IMMP2L: variants seen among roughly 807,000 people sequenced by gnomAD.
IMMP2L encodes inner mitochondrial membrane peptidase subunit 2.
Under a neutral mutation model 19.3 loss-of-function variants are expected in IMMP2L, and 18 were observed. That is an observed-to-expected ratio of 0.93 (90% CI 0.64 to 1.38). IMMP2L has a LOEUF of 1.38. IMMP2L is among the 40% of genes most tolerant of loss of function. The pLI is 0.00. For missense variants in IMMP2L, 233 were observed against 218.2 expected, an observed-to-expected ratio of 1.07 and a Z score of -0.43; for synonymous variants, 76 against 73.0, an observed-to-expected ratio of 1.04 and a Z score of -0.21.
chr7:111,185,137 G>C lies in IMMP2L; in HGVS notation c.240-221572C>G, dbSNP rs139978202. 1.8e-3 allele frequency among the ~76,000 whole-genome samples: 268 copies of C among 152,258 alleles called. 2 individuals are homozygous for C. Among genetic ancestry groups the C allele is most frequent in the African/African-American group, 6.1e-3 (255 of 41,536 alleles). ...GGAGAAGCTTTGATAAATCTCTAAAGCTATGGCAGTGGTCCAGTCCCTATG... is the reference window on the plus strand; with the variant it reads ...GGAGAAGCTTTGATAAATCTCTAAACCTATGGCAGTGGTCCAGTCCCTATG... On this transcript the variant is annotated intron_variant, in intron 3 of 5. Transcript: ENST00000405709.
At chr7:111,542,327 G>C (rs1016660677) in intron 1 of IMMP2L, among the ~76,000 whole-genome samples, 16 of 152,074 alleles carry the variant, frequency 1.1e-4, no homozygotes, top group Non-Finnish European at 1.5e-5. Context: ...TATACACTTT[G>C]TGTTGATTAA....
intron 3 of IMMP2L, among the ~76,000 whole-genome samples, chr7:111,400,699 T>C (rs1833344050): frequency 6.6e-6 from 1 of 152,096 alleles, no homozygotes; most frequent in African/African-American, 2.4e-5. Context: ...ATATCGGTGA[T>C]GTGAAATGCT....
rs763516323 is a variant in IMMP2L at position 111,487,294 on chromosome 7, C to CA, written c.182dup (p.Leu61PhefsTer10). On this transcript the variant is annotated frameshift_variant, in exon 3 of 6. Coordinates refer to ENST00000405709, the MANE Select transcript of IMMP2L (RefSeq NM_032549.4). LOFTEE classifies it high-confidence loss of function. ...CAAAATTCCTCACTTTCCAGTGGTT[C>CA]AAAAGCACCACATCAGATGACTGGC... 1.9e-6 allele frequency: 3 copies of CA among 1,611,152 alleles called. No individual in the cohort carries two copies. The East Asian group carries it at 6.7e-5, about 36-fold the overall frequency.
At chr7:110,820,372 A>C (rs1298969087) in intron 5 of IMMP2L, among the ~76,000 whole-genome samples, 1 of 152,082 alleles carries the variant, frequency 6.6e-6, no homozygotes, top group African/African-American at 2.4e-5. Flanking sequence ...AAAACAAGAA[A>C]ATCTCTTCTT....
At chr7:110,719,105 A>C (rs1026762479) in intron 5 of IMMP2L, among the ~76,000 whole-genome samples, 7 of 152,234 alleles carry the variant, frequency 4.6e-5, no homozygotes, top group African/African-American at 1.7e-4. Context: ...GTGATTAATG[A>C]TGTAGCTCAG....
chr7:111,039,670 C>T (rs1460718017), intron 3 of IMMP2L, among the ~76,000 whole-genome samples: 1 of 152,090 alleles, frequency 6.6e-6, no homozygotes, highest in Non-Finnish European at 1.5e-5. Context: ...ACCATCACAA[C>T]AAAAACCGTC....
At chr7:111,557,911 GA>G (rs199723823) in intron 1 of IMMP2L, among the ~76,000 whole-genome samples, 3 of 149,218 alleles carry the variant, frequency 2.0e-5, no homozygotes, top group South Asian at 2.1e-4. Context: ...TTTGAGTATA[GA>G]AAAAAAAACA....
At chr7:110,989,233 C>CA (rs1031892512) in intron 3 of IMMP2L, among the ~76,000 whole-genome samples, 26 of 146,696 alleles carry the variant, frequency 1.8e-4, no homozygotes, top group African/African-American at 2.8e-4. Flanking sequence ...GAAACTGTCT[C>CA]AAAAAAAAAG....
chr7:110,889,139 A>G (rs1810526206), intron 4 of IMMP2L, among the ~76,000 whole-genome samples: 1 of 152,200 alleles, frequency 6.6e-6, no homozygotes, highest in Non-Finnish European at 1.5e-5. Flanking sequence ...AGCAGTCCCC[A>G]GCCTTTTAGG....
intron 5 of IMMP2L, chr7:110,665,142 G>A (rs1448850122): frequency 6.6e-6 from 1 of 152,098 alleles, no homozygotes; most frequent in East Asian, 1.9e-4. Context: ...TCAATAAAGG[G>A]TTCTTTTTTT....
chr7:110,788,298 T>C (rs1475418740), intron 5 of IMMP2L, among the ~76,000 whole-genome samples: 1 of 152,070 alleles, frequency 6.6e-6, no homozygotes, highest in Non-Finnish European at 1.5e-5. Flanking sequence ...CTAAGGGTCA[T>C]CAATGACCTT....
At chr7:111,034,302 C>T (rs997308575) in intron 3 of IMMP2L, among the ~76,000 whole-genome samples, 1 of 151,934 alleles carries the variant, frequency 6.6e-6, no homozygotes, top group African/African-American at 2.4e-5. Context: ...TAAAAAAAGA[C>T]AGACATGTAC....
chr7:111,465,554 G>A (rs1253106934), intron 3 of IMMP2L, among the ~76,000 whole-genome samples: 1 of 144,502 alleles, frequency 6.9e-6, no homozygotes, highest in Non-Finnish European at 1.5e-5. Flanking sequence ...CATTTATGCA[G>A]CCAAAAGACA....
At chr7:110,780,203 C>T (rs951282197) in intron 5 of IMMP2L, among the ~76,000 whole-genome samples, 1 of 151,152 alleles carries the variant, frequency 6.6e-6, no homozygotes, top group African/African-American at 2.4e-5. Context: ...GCTTCAAAAA[C>T]AAGGTTGATC....
Position 110,816,281 on chromosome 7 carries a change from T to C in IMMP2L, c.408+70312A>G, listed in dbSNP as rs570591133. Among the ~76,000 whole-genome samples the C allele has an allele frequency of 2.2e-3, 339 of 152,154 alleles. 2 individuals carry two copies. The highest frequency in any genetic ancestry group is 7.7e-3 in the African/African-American group (319 of 41,522). On this transcript the variant is annotated intron_variant, in intron 5 of 5. Coordinates refer to ENST00000405709, the MANE Select transcript of IMMP2L (RefSeq NM_032549.4). ...TTCCATGTAGTTGAGCGGCTTTGAGTGAGATTCTTAATCCTGAGTTCTAGT... is the reference window on the plus strand; with the variant it reads ...TTCCATGTAGTTGAGCGGCTTTGAGCGAGATTCTTAATCCTGAGTTCTAGT...
chr7:111,415,808 T>A (rs1834908859), intron 3 of IMMP2L, among the ~76,000 whole-genome samples: 2 of 151,620 alleles, frequency 1.3e-5, no homozygotes, highest in African/African-American at 2.4e-5. Context: ...CAACTTAAAA[T>A]TCTACTTAGG....
At chr7:111,551,085 TAA>T (rs966252515) in intron 1 of IMMP2L, among the ~76,000 whole-genome samples, 2 of 151,942 alleles carry the variant, frequency 1.3e-5, no homozygotes, top group African/African-American at 4.8e-5. Flanking sequence ...TTCCCTTCTT[TAA>T]AAAAAAGTCT....
intron 3 of IMMP2L, among the ~76,000 whole-genome samples, chr7:111,353,426 AAAAGTT>A (rs1162714688): frequency 2.0e-5 from 3 of 152,178 alleles, no homozygotes; most frequent in Non-Finnish European, 4.4e-5. Flanking sequence ...ATCTGTTGTT[AAAAGTT>A]AAAATAAAAA....
intron 3 of IMMP2L, among the ~76,000 whole-genome samples, chr7:111,078,269 A>C (rs1278321825): frequency 1.3e-5 from 2 of 152,204 alleles, no homozygotes; most frequent in African/African-American, 4.8e-5. Context: ...TGGCAAGGGC[A>C]TGATAGAAAT....
Sources: allele counts gnomAD v4.1 joint callset (sites outside exome capture counted in the v4.1 genomes callset), GRCh38; gene constraint gnomAD v4.1.1; transcripts MANE v1.5; gene names NCBI Gene and HGNC (gene_info 2026-07-23, HGNC 2026-07-21).